The following MSRB3 variants were observed in gnomAD, a reference collection of about 807,000 sequenced individuals.
MSRB3 encodes the protein methionine-R-sulfoxide reductase B3.
Under a neutral mutation model 21.0 loss-of-function variants are expected in MSRB3, and 13 were observed. The observed-to-expected ratio is 0.62, with a 90% confidence interval of 0.40 to 0.98. The LOEUF is 0.98. Among genes scored for constraint, MSRB3 ranks in the 50% least tolerant of loss-of-function variants. The probability of loss-of-function intolerance (pLI) is 0.00; values close to 1 mark genes in which losing one functional copy is unlikely to be tolerated. For synonymous variants in MSRB3, 87 were observed against 88.6 expected (o/e 0.98, Z 0.10); for missense variants, 199 against 230.3 (o/e 0.86, Z 0.88).
At position 65,350,668 on chromosome 12, in the gene MSRB3, T is replaced by C. The variant is rs940141848; in HGVS notation, c.264-18330T>C. Reference sequence around the variant, plus strand: ...AAAGGCAGGGGTTGCAATCCTAGTCTCTGATAAAACAGACTTTAAACCAAC... The same window carrying C: ...AAAGGCAGGGGTTGCAATCCTAGTCCCTGATAAAACAGACTTTAAACCAAC... On this transcript the variant is annotated intron_variant, in intron 4 of 6. Coordinates refer to ENST00000308259, the MANE Select transcript of MSRB3 (RefSeq NM_001031679.3). Among the ~76,000 whole-genome samples, 59 of 143,206 alleles carry C rather than the reference T, an allele frequency of 4.1e-4. 1 individual carries two copies. Among genetic ancestry groups the C allele is most frequent in the African/African-American group, 1.5e-3 (54 of 36,760 alleles). 93.9% of individuals were successfully genotyped at this position (143,206 alleles called of 152,430 possible).
chr12:65,286,272 A>G (rs1032262696), intron 1 of MSRB3: 5 of 152,078 alleles, frequency 3.3e-5, no homozygotes, highest in African/African-American at 9.7e-5. Context: ...ATGGGGGAAA[A>G]CTTCTATTTG....
intron 5 of MSRB3, among the ~76,000 whole-genome samples, chr12:65,404,985 T>G (rs1880332159): frequency 6.6e-6 from 1 of 151,188 alleles, no homozygotes; most frequent in African/African-American, 2.4e-5. Flanking sequence ...AGACAGAGTC[T>G]CAGTCTGTTG....
Position 65,453,724 on chromosome 12 carries a change from C to CATCA in MSRB3, c.293-4_293-3insATCA. 6.2e-7 allele frequency: 1 copy of CATCA among 1,612,592 alleles called. No homozygotes were observed. The highest frequency in any genetic ancestry group is 8.5e-7 in the Non-Finnish European group (1 of 1,178,762). On this transcript the variant is annotated splice_region_variant and splice_polypyrimidine_tract_variant and intron_variant, in intron 5 of 6. Transcript: ENST00000308259. ...CTTTGATTCTTGTGCCTGCTGTGTCCCAGGTTGGCCTTCATTCCACGATGT... is the reference window on the plus strand; with the variant it reads ...CTTTGATTCTTGTGCCTGCTGTGTCCATCACAGGTTGGCCTTCATTCCACGATGT...
rs1285970478 is a variant in MSRB3, at chr12:65,465,589, C to G, written c.*2267C>G. On this transcript the variant is annotated 3_prime_UTR_variant, in exon 7 of 7. Transcript: ENST00000308259. ...AAGAAGCCTGACATCCCGGTGGACT[C>G]TTTATAGTCATGTACACTTGATTCC... 6.6e-6 allele frequency: 1 copy of G among 152,092 alleles called. No homozygotes were observed. 9.4% of individuals were successfully genotyped at this position (152,092 alleles called of 1,614,324 possible).
At chr12:65,309,054 A>G (rs1873827333) in intron 2 of MSRB3, 1 of 229,560 alleles carries the variant, frequency 4.4e-6, no homozygotes, top group Admixed American at 5.1e-5. Flanking sequence ...ACATGTGGTC[A>G]TTCCTTTAGG....
At chr12:65,444,459 A>T (rs1159447252) in intron 5 of MSRB3, among the ~76,000 whole-genome samples, 1 of 152,204 alleles carries the variant, frequency 6.6e-6, no homozygotes, top group African/African-American at 2.4e-5. Context: ...GTTTTTTTTA[A>T]CATGTCTAAA....
intron 4 of MSRB3, among the ~76,000 whole-genome samples, chr12:65,348,511 A>G (rs989818516): frequency 6.6e-6 from 1 of 151,688 alleles, no homozygotes; most frequent in Non-Finnish European, 1.5e-5. Flanking sequence ...CAGTCTATCA[A>G]TTTTGTTGAT....
intron 5 of MSRB3, chr12:65,419,700 C>A: frequency 1.3e-6 from 1 of 775,482 alleles, no homozygotes; most frequent in Non-Finnish European, 2.3e-6. Context: ...TACTCTCCAC[C>A]TTCCAGTTCT....
At chr12:65,350,066 C>T (rs941523294) in intron 4 of MSRB3, among the ~76,000 whole-genome samples, 7 of 151,748 alleles carry the variant, frequency 4.6e-5, no homozygotes, top group African/African-American at 1.5e-4. Flanking sequence ...GTCTTTAATC[C>T]ATCTTGAATT....
At chr12:65,301,147 A>G (rs1873307400) in intron 1 of MSRB3, among the ~76,000 whole-genome samples, 1 of 152,192 alleles carries the variant, frequency 6.6e-6, no homozygotes, top group Non-Finnish European at 1.5e-5. Flanking sequence ...GTGCTCAAAA[A>G]TGATTATTGT....
chr12:65,300,027 G>A (rs1334281833), intron 1 of MSRB3, among the ~76,000 whole-genome samples: 1 of 152,092 alleles, frequency 6.6e-6, no homozygotes. Context: ...TATCATCATG[G>A]CAAATGGATT....
At chr12:65,306,829 T>C in intron 1 of MSRB3, 1 of 985,660 alleles carries the variant, frequency 1.0e-6, no homozygotes, top group Non-Finnish European at 1.2e-6. Context: ...GTTTTAATTG[T>C]AGAATGCATC....
intron 1 of MSRB3, among the ~76,000 whole-genome samples, chr12:65,294,080 C>G (rs969453113): frequency 2.6e-5 from 4 of 152,072 alleles, no homozygotes; most frequent in Non-Finnish European, 5.9e-5. Context: ...AGGCAGTGCC[C>G]CCAGTATTTC....
At chr12:65,432,493 C>G (rs1278642126) in intron 5 of MSRB3, among the ~76,000 whole-genome samples, 1 of 151,868 alleles carries the variant, frequency 6.6e-6, no homozygotes, top group Non-Finnish European at 1.5e-5. Flanking sequence ...ACAATTAAAG[C>G]AATTAATTTC....
At position 65,464,057 on chromosome 12, in the gene MSRB3, G is replaced by T. The variant is rs1439901761; in HGVS notation, c.*735G>T. 2 of 152,374 alleles carry T rather than the reference G, an allele frequency of 1.3e-5. No individual in the cohort carries two copies. Among genetic ancestry groups the T allele is most frequent in the African/African-American group, 4.8e-5 (2 of 41,566 alleles). The allele number at this position is 152,374 out of a possible 1,614,324, so 9.4% of individuals were successfully genotyped here. On this transcript the variant is annotated 3_prime_UTR_variant, in exon 7 of 7. Transcript: ENST00000308259. ...TGGGAGGCCAAGGCGGGTGGATCAC[G>T]AGGTCAGGAGATGGAGACCATCCTG...
At chr12:65,380,226 C>T (rs745862077) in intron 5 of MSRB3, among the ~76,000 whole-genome samples, 10 of 152,052 alleles carry the variant, frequency 6.6e-5, no homozygotes, top group Non-Finnish European at 1.2e-4. Flanking sequence ...GGCACAGAGA[C>T]GTAATTGCTA....
chr12:65,282,119 C>G (rs1483597736), intron 1 of MSRB3: 1 of 152,138 alleles, frequency 6.6e-6, no homozygotes, highest in Non-Finnish European at 1.5e-5. Flanking sequence ...GAGTTTGAGA[C>G]CAGCCTGGCC....
chr12:65,292,309 T>C (rs1454824743), intron 1 of MSRB3, among the ~76,000 whole-genome samples: 2 of 152,214 alleles, frequency 1.3e-5, no homozygotes. Context: ...TTGTCACTTA[T>C]AGAATGGAGA....
chr12:65,456,816 C>T (rs773727455), intron 6 of MSRB3, among the ~76,000 whole-genome samples: 7 of 152,168 alleles, frequency 4.6e-5, no homozygotes, highest in Non-Finnish European at 8.8e-5. Flanking sequence ...CCAGCACTAA[C>T]GAATGGTATG....
Sources: allele counts gnomAD v4.1 joint callset (sites outside exome capture counted in the v4.1 genomes callset), GRCh38; gene constraint gnomAD v4.1.1; transcripts MANE v1.5; gene names NCBI Gene and HGNC (gene_info 2026-07-23, HGNC 2026-07-21).